Variants in PRKD1 observed in about 807,000 individuals in gnomAD.
PRKD1 encodes protein kinase D1, also known as serine/threonine-protein kinase D1.
Under a neutral mutation model 95.9 loss-of-function variants are expected in PRKD1, and 63 were observed. The observed-to-expected ratio is 0.66, with a 90% CI of 0.54 to 0.81. The LOEUF (loss-of-function observed/expected upper bound fraction) is 0.81, where lower values mean the gene tolerates loss of function less well. Among genes scored for constraint, PRKD1 ranks in the 30% least tolerant of loss-of-function variants. PRKD1 has a pLI of 0.00. For synonymous variants in PRKD1, 425 were observed against 423.1 expected (o/e 1.00, Z -0.05); for missense variants, 1,048 against 1,165.3 (o/e 0.90, Z 1.47).
intron 2 of PRKD1, among the ~76,000 whole-genome samples, chr14:29,708,504 A>T (rs1219936018): frequency 6.6e-6 from 1 of 152,148 alleles, no homozygotes; most frequent in Non-Finnish European, 1.5e-5. Context: ...CGTTCTTACT[A>T]ATTAGTCTCA....
intron 1 of PRKD1, among the ~76,000 whole-genome samples, chr14:29,883,318 T>C (rs148362142): frequency 6.6e-6 from 1 of 152,176 alleles, no homozygotes; most frequent in Admixed American, 6.5e-5. Context: ...ATATCCAAAC[T>C]ATATCAGCTG....
chr14:29,631,342 G>A (rs1879993772), intron 9 of PRKD1, among the ~76,000 whole-genome samples: 1 of 152,142 alleles, frequency 6.6e-6, no homozygotes, highest in Admixed American at 6.5e-5. Flanking sequence ...TTTTGTAACA[G>A]TGAGGTAGAA....
chr14:29,706,998 G>A (rs1885123078), intron 2 of PRKD1, among the ~76,000 whole-genome samples: 1 of 152,058 alleles, frequency 6.6e-6, no homozygotes, highest in African/African-American at 2.4e-5. Flanking sequence ...AAAGGGAACT[G>A]GAAGCAAGGC....
chr14:29,842,167 C>A lies in PRKD1; in HGVS notation c.264+85082G>T, dbSNP rs143957912. Among the ~76,000 whole-genome samples, 798 of 152,292 alleles carry A rather than the reference C, an allele frequency of 5.2e-3. 2 individuals carry two copies. Among genetic ancestry groups the A allele is most frequent in the Admixed American group, 0.013 (195 of 15,294 alleles). On this transcript the variant is annotated intron_variant, in intron 1 of 17. Transcript: ENST00000331968. ...TTCTTCTGGAATACCTCCTAAAGGG[C>A]CTGCCTGAAGTTGTTTTGCAGTTAA...
intron 1 of PRKD1, among the ~76,000 whole-genome samples, chr14:29,755,335 T>A (rs1046114177): frequency 2.6e-5 from 4 of 152,168 alleles, no homozygotes; most frequent in Non-Finnish European, 5.9e-5. Flanking sequence ...ACTAAATTTC[T>A]CCATAAAATA....
At chr14:29,790,689 C>T (rs779909203) in intron 1 of PRKD1, among the ~76,000 whole-genome samples, 1 of 152,188 alleles carries the variant, frequency 6.6e-6, no homozygotes, top group African/African-American at 2.4e-5. Flanking sequence ...CACTGTTTCA[C>T]AGGGCCTTTC....
At chr14:29,829,923 A>G (rs1891338271) in intron 1 of PRKD1, among the ~76,000 whole-genome samples, 2 of 152,226 alleles carry the variant, frequency 1.3e-5, no homozygotes, top group East Asian at 3.8e-4. Flanking sequence ...GATTTCATAG[A>G]AAGTGCTTTT....
At chr14:29,627,203 G>A (rs145740583) in intron 11 of PRKD1, among the ~76,000 whole-genome samples, 2 of 152,308 alleles carry the variant, frequency 1.3e-5, no homozygotes, top group Non-Finnish European at 2.9e-5. Context: ...ATTTGGAAAT[G>A]TCATTAAATA....
At chr14:29,776,981 G>T (rs889537545) in intron 1 of PRKD1, among the ~76,000 whole-genome samples, 1 of 152,160 alleles carries the variant, frequency 6.6e-6, no homozygotes, top group Non-Finnish European at 1.5e-5. Context: ...GAGAGTGGGG[G>T]CCAATATTCA....
At chr14:29,796,723 T>C (rs540122971) in intron 1 of PRKD1, among the ~76,000 whole-genome samples, 2 of 152,250 alleles carry the variant, frequency 1.3e-5, no homozygotes, top group South Asian at 2.1e-4. Context: ...CCTACTGATA[T>C]AGTAACTTAA....
intron 2 of PRKD1, among the ~76,000 whole-genome samples, chr14:29,684,438 A>G (rs935714159): frequency 2.0e-5 from 3 of 152,160 alleles, no homozygotes; most frequent in Non-Finnish European, 4.4e-5. Flanking sequence ...ATTTAAGTCT[A>G]TTGTTCTTTT....
At chr14:29,595,394 A>G (rs1034240634) in intron 16 of PRKD1, among the ~76,000 whole-genome samples, 11 of 152,164 alleles carry the variant, frequency 7.2e-5, no homozygotes, top group Non-Finnish European at 1.5e-4. Flanking sequence ...CACCTAGGTA[A>G]CAATTAAAGG....
rs193016674 is a variant in PRKD1, at chr14:29,589,215, T to C, written c.2434+8276A>G. Among the ~76,000 whole-genome samples, 13 of 152,362 alleles carry C rather than the reference T, an allele frequency of 8.5e-5. No homozygotes were observed. The South Asian group carries it at 2.1e-3, about 24-fold the overall frequency. On this transcript the variant is annotated intron_variant, in intron 16 of 17. Transcript: ENST00000331968. ...TCAATTTGATAATGGAAATGTACTA[T>C]GACGCTAACAAATGCTTTCCAATCC...
intron 2 of PRKD1, among the ~76,000 whole-genome samples, chr14:29,672,794 C>T (rs1028601869): frequency 6.6e-6 from 1 of 151,922 alleles, no homozygotes; most frequent in Non-Finnish European, 1.5e-5. Context: ...GGAGAGATTC[C>T]CCAGGCAGTT....
chr14:29,796,530 G>A (rs1260738313), intron 1 of PRKD1, among the ~76,000 whole-genome samples: 1 of 152,146 alleles, frequency 6.6e-6, no homozygotes, highest in East Asian at 1.9e-4. Context: ...TTAATGTCAT[G>A]AGACTGAATG....
chr14:29,629,199 C>G, intron 10 of PRKD1, 106 bp from the exon 11 acceptor site: 1 of 837,258 alleles, frequency 1.2e-6, no homozygotes, highest in Non-Finnish European at 1.9e-6. Flanking sequence ...GTGGTTTTAA[C>G]TAAATCATAG....
At chr14:29,825,541 T>C (rs1891075840) in intron 1 of PRKD1, among the ~76,000 whole-genome samples, 1 of 152,030 alleles carries the variant, frequency 6.6e-6, no homozygotes, top group South Asian at 2.1e-4. Context: ...TGCCACTTCA[T>C]CAAAGATGAT....
intron 2 of PRKD1, among the ~76,000 whole-genome samples, chr14:29,700,988 G>GCGCGCGCGCGCACA (rs140824053): frequency 2.5e-4 from 23 of 90,596 alleles, no homozygotes; most frequent in East Asian, 1.1e-3. Flanking sequence ...GCGCGCGCGC[G>GCGCGCGCGCGCACA]CACACACACA....
At chr14:29,911,932 A>T (rs1238100270) in intron 1 of PRKD1, among the ~76,000 whole-genome samples, 1 of 152,118 alleles carries the variant, frequency 6.6e-6, no homozygotes, top group African/African-American at 2.4e-5. Flanking sequence ...TTCTGTTGTC[A>T]CATCTCCTAC....
Sources: gnomAD v4.1 joint callset for allele counts (sites outside exome capture counted in the v4.1 genomes callset) on GRCh38, gnomAD v4.1.1 for gene constraint, MANE v1.5 for transcripts, NCBI Gene and HGNC (gene_info 2026-07-23, HGNC 2026-07-21) for gene names.